Variants in KCNK9 observed in about 807,000 individuals in gnomAD.
The protein encoded by KCNK9 is potassium two pore domain channel subfamily K member 9.
KCNK9 carries 1 observed loss-of-function variant against 10.8 expected under a neutral mutation model. That is an observed-to-expected ratio of 0.09 (90% CI 0.03 to 0.44). The LOEUF is 0.44. Ranked by LOEUF, KCNK9 falls within the 20% of genes least tolerant of loss-of-function variation. The pLI, the probability that KCNK9 is intolerant of heterozygous loss-of-function variation, is 0.97. For synonymous variants in KCNK9, 231 were observed against 222.7 expected, an observed-to-expected ratio of 1.04 and a Z score of -0.33; for missense variants, 303 against 515.0, an observed-to-expected ratio of 0.59 and a Z score of 3.98.
intron 1 of KCNK9, among the ~76,000 whole-genome samples, chr8:139,623,563 TACCTCCTACCCC>T (rs908892865): frequency 2.6e-5 from 4 of 152,080 alleles, no homozygotes; most frequent in African/African-American, 9.7e-5. Context: ...TGTTCCTGGT[TACCTCCTACCCC>T]ACCTGTGAGC....
chr8:139,627,744 A>C (rs557890876), intron 1 of KCNK9, among the ~76,000 whole-genome samples: 30 of 152,300 alleles, frequency 2.0e-4, no homozygotes, highest in African/African-American at 6.7e-4. Flanking sequence ...AACCCACAAC[A>C]GTTTTGTCAA....
intron 1 of KCNK9, among the ~76,000 whole-genome samples, chr8:139,687,617 T>C (rs1188018751): frequency 2.3e-5 from 1 of 42,780 alleles, no homozygotes; most frequent in African/African-American, 6.7e-5. Flanking sequence ...TATGTATACA[T>C]ATATATTCAT....
chr8:139,682,816 A>G (rs1333914967), intron 1 of KCNK9, among the ~76,000 whole-genome samples: 3 of 152,154 alleles, frequency 2.0e-5, no homozygotes, highest in African/African-American at 4.8e-5. Flanking sequence ...AGTGTTGCAT[A>G]ATGCCTGGTG....
chr8:139,697,172 G>A (rs947235750), intron 1 of KCNK9, among the ~76,000 whole-genome samples: 5 of 133,046 alleles, frequency 3.8e-5, no homozygotes, highest in Non-Finnish European at 8.2e-5. Flanking sequence ...AGATGGGTGG[G>A]TGGACAGATG....
At chr8:139,629,902 G>A (rs565086471) in intron 1 of KCNK9, among the ~76,000 whole-genome samples, 1 of 152,122 alleles carries the variant, frequency 6.6e-6, no homozygotes, top group African/African-American at 2.4e-5. Flanking sequence ...TGGAAGTTAG[G>A]GCTTCAATGT....
At position 139,657,990 on chromosome 8, in the gene KCNK9, A is replaced by G. The variant is rs78808964; in HGVS notation, c.284-38891T>C. ...ATGACATGGTAGGGTGGGCAGATATATGGACAATGGGCTATGGTTTCCTGT... is the reference window on the plus strand; with the variant it reads ...ATGACATGGTAGGGTGGGCAGATATGTGGACAATGGGCTATGGTTTCCTGT... On this transcript the variant is annotated intron_variant, in intron 1 of 1. Coordinates refer to ENST00000520439, the MANE Select transcript of KCNK9 (RefSeq NM_001282534.2). 5.8e-3 allele frequency among the ~76,000 whole-genome samples: 890 copies of G among 152,314 alleles called. 7 individuals are homozygous for G. Among genetic ancestry groups the G allele is most frequent in the African/African-American group, 0.02 (838 of 41,556 alleles).
chr8:139,604,530 G>T (rs1429050133), intron 2 of KCNK9, among the ~76,000 whole-genome samples: 1 of 152,202 alleles, frequency 6.6e-6, no homozygotes, highest in Non-Finnish European at 1.5e-5. Flanking sequence ...TAGGAGCAAA[G>T]CTGACCGGTA....
rs2129801777 is a variant in KCNK9 at position 139,693,843 on chromosome 8, G to A, written c.283+8867C>T. On this transcript the variant is annotated intron_variant, in intron 1 of 1. Transcript: ENST00000520439. This position sits in a 1 kb window ranked among gnomAD's most constrained non-coding sequence, Gnocchi z 4.1. Reference sequence around the variant, plus strand: ...GGGCAGGGCGAAGATGGCAGCCATGGGCTTTTAAAGGTCACTGCAGTGGTG... The same window carrying A: ...GGGCAGGGCGAAGATGGCAGCCATGAGCTTTTAAAGGTCACTGCAGTGGTG... Among the ~76,000 whole-genome samples the A allele has an allele frequency of 6.6e-6, 1 of 152,294 alleles. No homozygotes were observed. The highest frequency in any genetic ancestry group is 1.5e-5 in the Non-Finnish European group (1 of 68,014).
intron 1 of KCNK9, among the ~76,000 whole-genome samples, chr8:139,632,536 C>T (rs1815205318): frequency 6.6e-6 from 1 of 152,200 alleles, no homozygotes; most frequent in African/African-American, 2.4e-5. Context: ...CAGAGTCCCT[C>T]GCAAGTAGAC....
chr8:139,658,462 C>T (rs569354175), intron 1 of KCNK9, among the ~76,000 whole-genome samples: 24 of 152,328 alleles, frequency 1.6e-4, no homozygotes, highest in African/African-American at 2.4e-4. Context: ...TCAGGCTACA[C>T]GGGTCACGCC....
At chr8:139,633,840 G>A (rs1350636527) in intron 1 of KCNK9, among the ~76,000 whole-genome samples, 3 of 152,204 alleles carry the variant, frequency 2.0e-5, no homozygotes, top group Non-Finnish European at 4.4e-5. Flanking sequence ...TGAAGACGAC[G>A]ACACACAAAG....
intron 2 of KCNK9, among the ~76,000 whole-genome samples, chr8:139,603,580 T>C (rs1357773751): frequency 6.6e-6 from 1 of 152,186 alleles, no homozygotes; most frequent in Non-Finnish European, 1.5e-5. Context: ...CTGTCTACAA[T>C]GAGGAAGACC....
intron 1 of KCNK9, among the ~76,000 whole-genome samples, chr8:139,687,203 C>T (rs939195400): frequency 7.3e-5 from 11 of 151,692 alleles, no homozygotes; most frequent in African/African-American, 2.7e-4. Context: ...ACATTTCATC[C>T]TCTTCTATGC....
intron 1 of KCNK9, among the ~76,000 whole-genome samples, chr8:139,632,804 A>T (rs1815214632): frequency 6.6e-6 from 1 of 152,170 alleles, no homozygotes; most frequent in African/African-American, 2.4e-5. Flanking sequence ...GCTGTGATGC[A>T]AGAGAAAAAG....
intron 1 of KCNK9, among the ~76,000 whole-genome samples, chr8:139,647,345 G>A (rs1445556396): frequency 6.6e-6 from 1 of 152,226 alleles, no homozygotes; most frequent in African/African-American, 2.4e-5. Flanking sequence ...CAGCCCATGA[G>A]GACCTGCTGT....
rs1817266192 is a variant in KCNK9, at chr8:139,703,007, A to T, written c.-15T>A. The T allele has an allele frequency of 6.5e-7, 1 of 1,549,100 alleles. No individual in the cohort carries two copies. Among genetic ancestry groups the T allele is most frequent in the Non-Finnish European group, 8.7e-7 (1 of 1,150,332 alleles). On this transcript the variant is annotated 5_prime_UTR_variant, in exon 1 of 2. Transcript: ENST00000520439. This position sits in a 1 kb window ranked among gnomAD's most constrained non-coding sequence, Gnocchi z 6.4. ...TGCCTCTTCATGGCCGCCAGCAAGG[A>T]GCCGGCGCGGGGGGCATGTCCCGCA...
chr8:139,667,817 C>T (rs1481993219), intron 1 of KCNK9, among the ~76,000 whole-genome samples: 1 of 151,814 alleles, frequency 6.6e-6, no homozygotes, highest in Non-Finnish European at 1.5e-5. Context: ...GGAGGCAGAG[C>T]TTGCAGTGAG....
chr8:139,609,002 G>A (rs1177135246), downstream of KCNK9, among the ~76,000 whole-genome samples: 3 of 109,986 alleles, frequency 2.7e-5, no homozygotes, highest in Non-Finnish European at 3.8e-5. Context: ...CCCCACCCCC[G>A]CGTATGTATT....
chr8:139,635,990 G>A (rs892071688), intron 1 of KCNK9, among the ~76,000 whole-genome samples: 1 of 152,156 alleles, frequency 6.6e-6, no homozygotes, highest in African/African-American at 2.4e-5. Flanking sequence ...CACCTTAACA[G>A]GCTAAATAGG....
Sources: gnomAD v4.1 joint callset for allele counts (sites outside exome capture counted in the v4.1 genomes callset) on GRCh38, gnomAD v4.1.1 for gene constraint, Gnocchi (gnomAD v3.1) non-coding constraint, MANE v1.5 for transcripts, NCBI Gene and HGNC (gene_info 2026-07-23, HGNC 2026-07-21) for gene names.